The following APC variants were observed in gnomAD, a reference collection of about 807,000 sequenced individuals.
APC encodes the protein adenomatous polyposis coli protein.
Under a neutral mutation model 247.0 loss-of-function variants are expected in APC, and 72 were observed. That is an observed-to-expected ratio of 0.29 (90% CI 0.24 to 0.35). The LOEUF (loss-of-function observed/expected upper bound fraction) is 0.35, where lower values mean the gene tolerates loss of function less well. Ranked by LOEUF, APC falls within the 10% of genes least tolerant of loss-of-function variation. The pLI is 1.00. For synonymous variants in APC, 1,254 were observed against 1,162.5 expected (o/e 1.08, Z -1.60); for missense variants, 3,400 against 3,360.7 (o/e 1.01, Z -0.29).
intron 1 of APC, among the ~76,000 whole-genome samples, chr5:112,744,181 A>G (rs1753373644): frequency 6.6e-6 from 1 of 152,002 alleles, no homozygotes; most frequent in South Asian, 2.1e-4. Context: ...TCAACCCATA[A>G]CACTCCCTTA....
At chr5:112,779,344 G>A (rs538129697) in intron 5 of APC, among the ~76,000 whole-genome samples, 1 of 152,282 alleles carries the variant, frequency 6.6e-6, no homozygotes, top group South Asian at 2.1e-4. Flanking sequence ...TCAGGAAAGA[G>A]CTTAAATGTA....
At chr5:112,755,464 G>GA (rs200119363) in intron 2 of APC, among the ~76,000 whole-genome samples, 1,884 of 152,280 alleles carry the variant, frequency 0.012, 18 homozygotes, top group Non-Finnish European at 0.017. Context: ...ACCCTACTGG[G>GA]AAGAGCCATG....
At chr5:112,767,481 G>A in intron 4 of APC, 91 bp downstream of exon 4, 1 of 1,047,168 alleles carries the variant, frequency 9.5e-7, no homozygotes, top group Non-Finnish European at 1.4e-6. Flanking sequence ...ATTTATAGTA[G>A]GTGATAGCTA....
intron 1 of APC, among the ~76,000 whole-genome samples, chr5:112,720,423 A>C (rs1751420073): frequency 6.6e-6 from 1 of 152,224 alleles, no homozygotes; most frequent in African/African-American, 2.4e-5. Flanking sequence ...CCTTTAAAAA[A>C]CTGAAGGATA....
intron 1 of APC, among the ~76,000 whole-genome samples, chr5:112,731,247 G>C (rs914596388): frequency 6.6e-6 from 1 of 151,910 alleles, no homozygotes; most frequent in Admixed American, 6.6e-5. Context: ...CTTTTAATTG[G>C]GCTTGCTTGA....
intron 1 of APC, among the ~76,000 whole-genome samples, chr5:112,725,383 A>T (rs144801971): frequency 1.3e-5 from 2 of 152,178 alleles, no homozygotes; most frequent in African/African-American, 4.8e-5. Context: ...CCCCAGAGGA[A>T]GTCACTGTTG....
At chr5:112,722,648 A>G (rs1176087214) in intron 1 of APC, among the ~76,000 whole-genome samples, 1 of 152,124 alleles carries the variant, frequency 6.6e-6, no homozygotes, top group East Asian at 1.9e-4. Context: ...GAGTCGATTA[A>G]TTTGCTGGAG....
intron 1 of APC, among the ~76,000 whole-genome samples, chr5:112,745,791 C>T (rs973674605): frequency 6.6e-6 from 1 of 152,030 alleles, no homozygotes; most frequent in African/African-American, 2.4e-5. Context: ...TGGTCTCAAA[C>T]TCCTGACCTT....
At chr5:112,721,417 A>T (rs984320260) in intron 1 of APC, among the ~76,000 whole-genome samples, 1 of 152,236 alleles carries the variant, frequency 6.6e-6, no homozygotes, top group South Asian at 2.1e-4. Flanking sequence ...ATCTCAAAAA[A>T]TAAAAATAAA....
intron 6 of APC, among the ~76,000 whole-genome samples, chr5:112,792,082 C>A (rs1037542900): frequency 1.3e-5 from 2 of 152,088 alleles, no homozygotes; most frequent in Admixed American, 1.3e-4. Context: ...CCCATCGCTA[C>A]TAAAAATACA....
chr5:112,821,448 G>A (rs1179449910), intron 10 of APC, among the ~76,000 whole-genome samples: 1 of 151,934 alleles, frequency 6.6e-6, no homozygotes, highest in African/African-American at 2.4e-5. Flanking sequence ...ACAAGGCTGC[G>A]GTGAAAGCTA....
At chr5:112,835,572 A>ATT (rs11376379) in intron 15 of APC, among the ~76,000 whole-genome samples, 3,819 of 132,934 alleles carry the variant, frequency 0.029, 208 homozygotes, top group African/African-American at 0.098. Flanking sequence ...CATAATAATA[A>ATT]TTTTTTTTTT....
chr5:112,835,511 G>A (rs144010637), intron 15 of APC, among the ~76,000 whole-genome samples: 147 of 151,524 alleles, frequency 9.7e-4, no homozygotes, highest in African/African-American at 3.3e-3. Flanking sequence ...AACTATGAGC[G>A]TGATCCAGAG....
chr5:112,709,214 A>C (rs558997200), intron 1 of APC, among the ~76,000 whole-genome samples: 2 of 152,302 alleles, frequency 1.3e-5, no homozygotes, highest in East Asian at 1.9e-4. Context: ...TTGTATGTTA[A>C]AAATTTTTAA....
rs745885287 is a variant in APC at position 112,841,550 on chromosome 5, C to A, written c.5956C>A (p.Pro1986Thr). ...DQENNNKENEPIKETEPPDSQ... is the reference protein window; with the variant it reads ...DQENNNKENETIKETEPPDSQ... ...AGAAAACAACAATAAAGAAAATGAA[C>A]CTATCAAAGAGACTGAGCCCCCTGA... The change falls in exon 16 of 16, where the codon CCT becomes ACT. Residue 1986 changes from proline to threonine, a missense_variant. By Grantham distance (38) the Pro-to-Thr change is conservative (BLOSUM62 -1). Around this residue, in one of 9 missense-constraint regions of APC, gnomAD observed 1,788 missense variants for 1,649.5 expected, o/e 1.08. Transcript: ENST00000257430. This position sits in a 1 kb window ranked among gnomAD's most constrained non-coding sequence, Gnocchi z 4.6. 3 of 1,613,938 alleles carry A rather than the reference C, an allele frequency of 1.9e-6. No individual in the cohort carries two copies. Among genetic ancestry groups the A allele is most frequent in the Non-Finnish European group, 2.5e-6 (3 of 1,179,890 alleles).
Position 112,770,069 on chromosome 5 carries a change from T to C in APC, c.422+2679T>C, listed in dbSNP as rs547914854. Among the ~76,000 whole-genome samples, 8 of 152,324 alleles carry C rather than the reference T, an allele frequency of 5.3e-5. No individual in the cohort carries two copies. The South Asian group carries it at 8.3e-4, about 16-fold the overall frequency. ...GCTTTCTTTTCCTTACTTTGCTTTATGTAGGCAAAGTCCTGATTTTATTAG... is the reference window on the plus strand; with the variant it reads ...GCTTTCTTTTCCTTACTTTGCTTTACGTAGGCAAAGTCCTGATTTTATTAG... On this transcript the variant is annotated intron_variant, in intron 4 of 15. Coordinates refer to ENST00000257430, the MANE Select transcript of APC (RefSeq NM_000038.6).
At chr5:112,777,885 C>T in intron 5 of APC, 1 of 214,896 alleles carries the variant, frequency 4.7e-6, no homozygotes. Context: ...CTTTGATTTA[C>T]TGTCATCAGA....
chr5:112,786,106 AG>A (rs1162967638), intron 6 of APC, among the ~76,000 whole-genome samples: 2 of 152,114 alleles, frequency 1.3e-5, no homozygotes, highest in Non-Finnish European at 2.9e-5. Flanking sequence ...TTGTTCAGAG[AG>A]GGGGTTTTGC....
At chr5:112,710,558 A>G (rs1311630464) in intron 1 of APC, among the ~76,000 whole-genome samples, 7 of 152,058 alleles carry the variant, frequency 4.6e-5, no homozygotes, top group Non-Finnish European at 7.4e-5. Flanking sequence ...TCTCTAGCCT[A>G]CATAGATGCT....
Sources: gnomAD v4.1 joint callset for allele counts (sites outside exome capture counted in the v4.1 genomes callset) on GRCh38, gnomAD v4.1.1 for gene constraint, gnomAD v4.1.1 regional missense constraint, Gnocchi (gnomAD v3.1) non-coding constraint, MANE v1.5 for transcripts, NCBI Gene and HGNC (gene_info 2026-07-23, HGNC 2026-07-21) for gene names.